The following CSMD1 variants were observed in gnomAD, a reference collection of about 807,000 sequenced individuals.
CSMD1 encodes the protein CUB and Sushi multiple domains 1.
Under a neutral mutation model 417.5 loss-of-function variants are expected in CSMD1, and 213 were observed. The observed-to-expected ratio is 0.51, with a 90% CI of 0.46 to 0.57. The LOEUF is 0.57. Ranked by LOEUF, CSMD1 falls within the 20% of genes least tolerant of loss-of-function variation. The pLI, the probability that CSMD1 is intolerant of heterozygous loss-of-function variation, is 0.00. For missense variants in CSMD1, 6,923 were observed against 4,529.7 expected, an observed-to-expected ratio of 1.53 and a Z score of -15.17; for synonymous variants, 2,862 against 1,736.8, an observed-to-expected ratio of 1.65 and a Z score of -16.11.
intron 11 of CSMD1, among the ~76,000 whole-genome samples, chr8:3,469,967 CTT>C: frequency 6.6e-6 from 1 of 152,070 alleles, no homozygotes; most frequent in East Asian, 1.9e-4. Flanking sequence ...AGATTTTTTT[CTT>C]TCTTTCTTAT....
At chr8:3,621,460 T>C (rs1020526923) in intron 7 of CSMD1, among the ~76,000 whole-genome samples, 35 of 152,052 alleles carry the variant, frequency 2.3e-4, no homozygotes, top group African/African-American at 7.7e-4. Context: ...AGAAGGAATA[T>C]AAGGTGTTAT....
chr8:3,939,655 G>A (rs1183466615), intron 5 of CSMD1, among the ~76,000 whole-genome samples: 1 of 152,036 alleles, frequency 6.6e-6, no homozygotes, highest in Non-Finnish European at 1.5e-5. Flanking sequence ...AGAAAATGTG[G>A]TATATATACA....
At chr8:3,514,270 A>C (rs1797196740) in intron 10 of CSMD1, among the ~76,000 whole-genome samples, 1 of 152,218 alleles carries the variant, frequency 6.6e-6, no homozygotes, top group South Asian at 2.1e-4. Flanking sequence ...AGCCATTATA[A>C]ATGGTGCAAC....
Position 4,407,711 on chromosome 8 carries a change from G to T in CSMD1, c.415+12242C>A, listed in dbSNP as rs559123316. Among the ~76,000 whole-genome samples the T allele has an allele frequency of 4.6e-5, 7 of 152,236 alleles. No individual in the cohort carries two copies. The South Asian group carries it at 1.5e-3, about 32-fold the overall frequency. The stretch of plus-strand genomic sequence containing the variant: ...TTTGTTATCACGATATTCATAAATA[G>T]CTGTAGTTTTTCCATGATTCATGCA... On this transcript the variant is annotated intron_variant, in intron 3 of 69. Transcript: ENST00000635120.
chr8:4,955,147 A>G (rs550212142), intron 1 of CSMD1, among the ~76,000 whole-genome samples: 236 of 152,238 alleles, frequency 1.6e-3, no homozygotes, highest in African/African-American at 5.2e-3. Context: ...CCAGTTCCCT[A>G]TATCAGAAAC....
At chr8:4,359,146 G>A (rs1379114684) in intron 3 of CSMD1, among the ~76,000 whole-genome samples, 2 of 152,158 alleles carry the variant, frequency 1.3e-5, no homozygotes, top group Admixed American at 6.5e-5. Context: ...TTGTAGCCCA[G>A]TTCGGTCACT....
In CSMD1 at chr8:4,966,209, C is replaced by CAAAAAAAAAA. The variant is rs33941630; in HGVS notation, c.85+28113_85+28122dup. ...TGGAAGCCCGTCTCTACTAAATATACAAAAAAAAAAAAAAAAAAAATTAGC... is the reference window on the plus strand; with the variant it reads ...TGGAAGCCCGTCTCTACTAAATATACAAAAAAAAAAAAAAAAAAAAAAAAAAAAAATTAGC... On this transcript the variant is annotated intron_variant, in intron 1 of 69. Coordinates refer to ENST00000635120, the MANE Select transcript of CSMD1 (RefSeq NM_033225.6). 8.7e-3 allele frequency among the ~76,000 whole-genome samples: 775 copies of CAAAAAAAAAA among 89,090 alleles called. 17 individuals carry two copies. The highest frequency in any genetic ancestry group is 0.028 in the African/African-American group (689 of 24,416). 58.4% of individuals were successfully genotyped at this position (89,090 alleles called of 152,430 possible).
Position 3,900,877 on chromosome 8 carries a change from G to A in CSMD1, c.818+97026C>T, listed in dbSNP as rs140234669. Among the ~76,000 whole-genome samples the A allele has an allele frequency of 4.4e-3, 673 of 152,282 alleles. 3 individuals are homozygous for A. Among genetic ancestry groups the A allele is most frequent in the African/African-American group, 6.8e-3 (284 of 41,548 alleles). ...TTACTTTTTCAGCCAGCTGCATGCC[G>A]TGCTCAGGCGTTTGCTTGATCTGAG... On this transcript the variant is annotated intron_variant, in intron 5 of 69. Transcript: ENST00000635120.
At position 4,016,082 on chromosome 8, in the gene CSMD1, T is replaced by G. The variant is rs138650228; in HGVS notation, c.610+15823A>C. On this transcript the variant is annotated intron_variant, in intron 4 of 69. Transcript: ENST00000635120. ...ATTCCATATCTGGAAAATCTACCCATTAATATTTACCAGGAAATTTTGGGA... is the reference window on the plus strand; with the variant it reads ...ATTCCATATCTGGAAAATCTACCCAGTAATATTTACCAGGAAATTTTGGGA... Among the ~76,000 whole-genome samples, 1,263 of 152,258 alleles carry G rather than the reference T, an allele frequency of 8.3e-3. 27 individuals carry two copies. The highest frequency in any genetic ancestry group is 0.029 in the African/African-American group (1,189 of 41,528).
At chr8:3,034,470 G>GA (rs1215369165) in intron 50 of CSMD1, among the ~76,000 whole-genome samples, 1 of 152,012 alleles carries the variant, frequency 6.6e-6, no homozygotes, top group African/African-American at 2.4e-5. Context: ...AAGTCCCAGT[G>GA]AAAAAATCTT....
At chr8:3,474,270 G>T in intron 11 of CSMD1, among the ~76,000 whole-genome samples, 1 of 152,076 alleles carries the variant, frequency 6.6e-6, no homozygotes, top group East Asian at 1.9e-4. Flanking sequence ...AAATAAAAAT[G>T]TTTCAAGTAT....
chr8:3,122,584 T>G (rs909795468), intron 41 of CSMD1, among the ~76,000 whole-genome samples: 30 of 152,164 alleles, frequency 2.0e-4, no homozygotes, highest in African/African-American at 7.2e-4. Flanking sequence ...GGGGAGGTAA[T>G]TGCATCAGAG....
At chr8:3,312,099 C>CA (rs1312317300) in intron 23 of CSMD1, among the ~76,000 whole-genome samples, 117 of 151,712 alleles carry the variant, frequency 7.7e-4, no homozygotes, top group Admixed American at 1.2e-3. Flanking sequence ...CACTCTTCTC[C>CA]AAAAAAAACA....
intron 3 of CSMD1, among the ~76,000 whole-genome samples, chr8:4,213,169 G>T (rs569837592): frequency 4.6e-5 from 7 of 152,106 alleles, no homozygotes; most frequent in African/African-American, 1.7e-4. Flanking sequence ...AAACCAAATG[G>T]GGAGAGACAT....
chr8:4,509,898 T>C (rs975364639), intron 2 of CSMD1, among the ~76,000 whole-genome samples: 1 of 151,918 alleles, frequency 6.6e-6, no homozygotes, highest in Non-Finnish European at 1.5e-5. Context: ...CCTGACAGGG[T>C]GTTTATGTGG....
chr8:3,164,046 G>T (rs1036312474), intron 37 of CSMD1, among the ~76,000 whole-genome samples: 1 of 152,114 alleles, frequency 6.6e-6, no homozygotes, highest in Non-Finnish European at 1.5e-5. Flanking sequence ...CTGCTGAGTC[G>T]GAGGCAACAC....
intron 40 of CSMD1, among the ~76,000 whole-genome samples, chr8:3,150,643 T>C (rs1263981517): frequency 6.6e-6 from 1 of 152,220 alleles, no homozygotes; most frequent in African/African-American, 2.4e-5. Context: ...CCAGCTACTC[T>C]GCCCGAGGAC....
At chr8:3,503,260 G>A (rs114332293) in intron 10 of CSMD1, among the ~76,000 whole-genome samples, 1 of 152,192 alleles carries the variant, frequency 6.6e-6, no homozygotes, top group Non-Finnish European at 1.5e-5. Flanking sequence ...CTTTATCTGA[G>A]ATGTTTAGCC....
chr8:3,975,651 T>C (rs796249417), intron 5 of CSMD1, among the ~76,000 whole-genome samples: 31 of 152,250 alleles, frequency 2.0e-4, no homozygotes, highest in African/African-American at 7.0e-4. Flanking sequence ...CAGCAGTGCT[T>C]AATGGTCCCG....
Sources: allele counts gnomAD v4.1 joint callset (sites outside exome capture counted in the v4.1 genomes callset), GRCh38; gene constraint gnomAD v4.1.1; transcripts MANE v1.5; gene names NCBI Gene and HGNC (gene_info 2026-07-23, HGNC 2026-07-21).